ZNF804A: variants seen among roughly 807,000 people sequenced by gnomAD.
ZNF804A encodes zinc finger protein 804A.
ZNF804A carries 2 observed loss-of-function variants against 16.5 expected under a neutral mutation model. The observed-to-expected ratio is 0.12, with a 90% CI of 0.05 to 0.38. ZNF804A has a LOEUF of 0.38. ZNF804A is among the 10% of genes least tolerant of loss of function. The pLI, the probability that ZNF804A is intolerant of heterozygous loss-of-function variation, is 0.99. For synonymous variants in ZNF804A, 534 were observed against 489.6 expected (o/e 1.09, Z -1.20); for missense variants, 1,473 against 1,390.7 (o/e 1.06, Z -0.94).
intron 1 of ZNF804A, among the ~76,000 whole-genome samples, chr2:184,807,499 A>C (rs1694825680): frequency 6.6e-6 from 1 of 151,848 alleles, no homozygotes; most frequent in Non-Finnish European, 1.5e-5. Context: ...TAGTGAATAA[A>C]TGAAGGCTGG....
intron 2 of ZNF804A, among the ~76,000 whole-genome samples, chr2:184,924,944 G>A (rs1206329211): frequency 6.6e-6 from 1 of 151,730 alleles, no homozygotes; most frequent in African/African-American, 2.4e-5. Flanking sequence ...TTTAAGATTT[G>A]TTTTGTGATG....
At chr2:184,934,896 A>C (rs1466386654) in intron 3 of ZNF804A, among the ~76,000 whole-genome samples, 1 of 152,170 alleles carries the variant, frequency 6.6e-6, no homozygotes, top group Admixed American at 6.5e-5. Context: ...TTAGCAGATA[A>C]AGCTAAATGA....
At chr2:184,922,410 C>A (rs1369329344) in intron 2 of ZNF804A, among the ~76,000 whole-genome samples, 1 of 151,898 alleles carries the variant, frequency 6.6e-6, no homozygotes, top group Non-Finnish European at 1.5e-5. Flanking sequence ...TGGGAAATGT[C>A]TATTTAGATA....
intron 1 of ZNF804A, among the ~76,000 whole-genome samples, chr2:184,656,154 A>T (rs1297980868): frequency 6.6e-6 from 1 of 152,118 alleles, no homozygotes; most frequent in Non-Finnish European, 1.5e-5. Context: ...ACAGAGTGGC[A>T]TTTATGGTAT....
chr2:184,771,425 CTGCAGTTAAGATGTCTAT>C (rs1427921600), intron 1 of ZNF804A, among the ~76,000 whole-genome samples: 1 of 151,808 alleles, frequency 6.6e-6, no homozygotes, highest in Non-Finnish European at 1.5e-5. Flanking sequence ...CCTCATCAGG[CTGCAGTTAAGATGTCTAT>C]TGCAGTTAAG....
At chr2:184,792,405 A>C (rs1240541786) in intron 1 of ZNF804A, among the ~76,000 whole-genome samples, 2 of 152,150 alleles carry the variant, frequency 1.3e-5, no homozygotes, top group African/African-American at 4.8e-5. Context: ...TAATTCCGTA[A>C]AGACATATGA....
At chr2:184,656,035 T>C (rs1194790322) in intron 1 of ZNF804A, among the ~76,000 whole-genome samples, 1 of 152,130 alleles carries the variant, frequency 6.6e-6, no homozygotes, top group Non-Finnish European at 1.5e-5. Flanking sequence ...TAAATTTAAA[T>C]CCAACAAACT....
chr2:184,776,275 T>A (rs1316614336), intron 1 of ZNF804A, among the ~76,000 whole-genome samples: 1 of 151,498 alleles, frequency 6.6e-6, no homozygotes, highest in African/African-American at 2.4e-5. Context: ...AGAGAGAAAT[T>A]AGAAATCTGG....
intron 1 of ZNF804A, among the ~76,000 whole-genome samples, chr2:184,825,195 C>T (rs904617328): frequency 2.6e-5 from 4 of 151,842 alleles, no homozygotes; most frequent in Non-Finnish European, 5.9e-5. Flanking sequence ...TGTTGATGTA[C>T]AAATAGGTAG....
chr2:184,695,233 A>G (rs2105727887), intron 1 of ZNF804A, among the ~76,000 whole-genome samples: 1 of 152,158 alleles, frequency 6.6e-6, no homozygotes, highest in East Asian at 1.9e-4. Context: ...AGGCCGAGGC[A>G]GGTGGATCAC....
At chr2:184,934,194 G>C (rs951042653) in intron 3 of ZNF804A, among the ~76,000 whole-genome samples, 1 of 152,012 alleles carries the variant, frequency 6.6e-6, no homozygotes, top group African/African-American at 2.4e-5. Context: ...TTGAGAAGCA[G>C]ACCAACATTA....
chr2:184,921,158 A>G (rs1685522733), intron 2 of ZNF804A, among the ~76,000 whole-genome samples: 1 of 152,188 alleles, frequency 6.6e-6, no homozygotes, highest in African/African-American at 2.4e-5. Context: ...CTTGATTTCT[A>G]TTATTCACCT....
intron 1 of ZNF804A, among the ~76,000 whole-genome samples, chr2:184,612,870 T>C (rs1160352149): frequency 6.6e-6 from 1 of 152,216 alleles, no homozygotes; most frequent in Non-Finnish European, 1.5e-5. Context: ...TATTTCCATA[T>C]TATTCCACAG....
At position 184,845,718 on chromosome 2, in the gene ZNF804A, C is replaced by T. The variant is rs143856490; in HGVS notation, c.112-20651C>T. On this transcript the variant is annotated intron_variant, in intron 1 of 3. Coordinates refer to ENST00000302277, the MANE Select transcript of ZNF804A (RefSeq NM_194250.2). Reference sequence around the variant, plus strand: ...GCCAAGGACATGAGAGACTCTTTCTCAGATCATCATCATGAGAATGTGGTA... The same window carrying T: ...GCCAAGGACATGAGAGACTCTTTCTTAGATCATCATCATGAGAATGTGGTA... Among the ~76,000 whole-genome samples, 519 of 152,236 alleles carry T rather than the reference C, an allele frequency of 3.4e-3. 2 individuals are homozygous for T. Among genetic ancestry groups the T allele is most frequent in the African/African-American group, 0.012 (490 of 41,554 alleles).
intron 1 of ZNF804A, among the ~76,000 whole-genome samples, chr2:184,733,090 C>T (rs1005374280): frequency 6.6e-6 from 1 of 152,056 alleles, no homozygotes; most frequent in Non-Finnish European, 1.5e-5. Flanking sequence ...CAGGGGACAT[C>T]TTTGTTTTGT....
intron 1 of ZNF804A, among the ~76,000 whole-genome samples, chr2:184,725,264 T>C (rs1384699702): frequency 1.3e-5 from 2 of 151,736 alleles, no homozygotes; most frequent in Non-Finnish European, 3.0e-5. Context: ...TAAGAGTTGA[T>C]TATTTTTTAA....
intron 2 of ZNF804A, among the ~76,000 whole-genome samples, chr2:184,874,260 G>A (rs1574251272): frequency 1.3e-5 from 2 of 152,062 alleles, no homozygotes; most frequent in African/African-American, 2.4e-5. Context: ...TAGGATGATG[G>A]GATACCATAG....
chr2:184,756,456 A>G (rs1693960553), intron 1 of ZNF804A, among the ~76,000 whole-genome samples: 1 of 152,014 alleles, frequency 6.6e-6, no homozygotes, highest in South Asian at 2.1e-4. Context: ...TGTCAGATTC[A>G]TACACTTATA....
intron 1 of ZNF804A, among the ~76,000 whole-genome samples, chr2:184,805,774 A>G (rs1257416082): frequency 6.6e-6 from 1 of 152,070 alleles, no homozygotes; most frequent in Non-Finnish European, 1.5e-5. Context: ...TTTGACATTT[A>G]TTAAAATGTG....
Sources: gnomAD v4.1 joint callset for allele counts (sites outside exome capture counted in the v4.1 genomes callset) on GRCh38, gnomAD v4.1.1 for gene constraint, MANE v1.5 for transcripts, NCBI Gene and HGNC (gene_info 2026-07-23, HGNC 2026-07-21) for gene names.